The following PALM2AKAP2 variants were observed in gnomAD, a reference collection of about 807,000 sequenced individuals.
PALM2AKAP2 encodes PALM2-AKAP2 fusion protein.
In PALM2AKAP2, 37 loss-of-function variants were observed where a neutral mutation model predicts 71.5. That is an observed-to-expected ratio of 0.52 (90% CI 0.40 to 0.68). The LOEUF is 0.68. Among genes scored for constraint, PALM2AKAP2 ranks in the 30% least tolerant of loss-of-function variants. PALM2AKAP2 has a pLI of 0.00. For missense variants in PALM2AKAP2, 1,224 were observed against 1,191.8 expected, an observed-to-expected ratio of 1.03 and a Z score of -0.40; for synonymous variants, 468 against 478.8, an observed-to-expected ratio of 0.98 and a Z score of 0.29.
intron 1 of PALM2AKAP2, among the ~76,000 whole-genome samples, chr9:109,645,410 A>G (rs115745402): frequency 0.019 from 2,852 of 152,280 alleles, 82 homozygotes; most frequent in African/African-American, 0.064. Context: ...CTACAAGACG[A>G]GATTTGGGTG....
chr9:109,850,644 A>G (rs1777856747), intron 1 of PALM2AKAP2, among the ~76,000 whole-genome samples: 1 of 152,226 alleles, frequency 6.6e-6, no homozygotes, highest in African/African-American at 2.4e-5. Flanking sequence ...TAAGTCAAAA[A>G]TATCATTGAC....
rs1053551607 is a variant in PALM2AKAP2 at position 109,702,124 on chromosome 9, C to T, written c.5+61258C>T. On this transcript the variant is annotated intron_variant, in intron 1 of 6. Transcript: ENST00000374531. ...TGGAGAGGATGTGGAGAAATAGGAA[C>T]ATTTTTACAGTGTTGGTGGGACTGT... Among the ~76,000 whole-genome samples, 343 of 152,220 alleles carry T rather than the reference C, an allele frequency of 2.3e-3. 1 individual carries two copies. Among genetic ancestry groups the T allele is most frequent in the African/African-American group, 7.8e-3 (323 of 41,548 alleles).
chr9:109,848,267 G>A (rs952385974), intron 1 of PALM2AKAP2, among the ~76,000 whole-genome samples: 2 of 152,220 alleles, frequency 1.3e-5, no homozygotes, highest in African/African-American at 2.4e-5. Context: ...AGTGTGTCCA[G>A]TGACTTGCTC....
At chr9:109,954,963 T>C (rs1831719806) in intron 6 of PALM2AKAP2, among the ~76,000 whole-genome samples, 1 of 152,160 alleles carries the variant, frequency 6.6e-6, no homozygotes, top group Non-Finnish European at 1.5e-5. Context: ...AGAGGAGCCA[T>C]ATTCCGTTGT....
intron 1 of PALM2AKAP2, among the ~76,000 whole-genome samples, chr9:109,754,216 G>C (rs989758447): frequency 6.6e-6 from 1 of 152,098 alleles, no homozygotes; most frequent in African/African-American, 2.4e-5. Context: ...GTAAAATCAA[G>C]ACCAGTTAAG....
intron 1 of PALM2AKAP2, among the ~76,000 whole-genome samples, chr9:110,119,704 T>A: frequency 6.6e-6 from 1 of 152,240 alleles, no homozygotes; most frequent in East Asian, 1.9e-4. Flanking sequence ...AAGAATAGTT[T>A]ATATTTCTTT....
At chr9:110,004,783 C>T (rs1832747313) in intron 6 of PALM2AKAP2, among the ~76,000 whole-genome samples, 1 of 152,154 alleles carries the variant, frequency 6.6e-6, no homozygotes, top group African/African-American at 2.4e-5. Context: ...TTCATTTGCT[C>T]TTCCATCACT....
At chr9:109,965,812 A>G (rs1021861919) in intron 6 of PALM2AKAP2, among the ~76,000 whole-genome samples, 1 of 152,220 alleles carries the variant, frequency 6.6e-6, no homozygotes, top group Non-Finnish European at 1.5e-5. Flanking sequence ...AAAGAGCTAA[A>G]AAGAGATATT....
chr9:109,970,618 G>C (rs1410675940), intron 6 of PALM2AKAP2, among the ~76,000 whole-genome samples: 1 of 152,338 alleles, frequency 6.6e-6, no homozygotes, highest in African/African-American at 2.4e-5. Flanking sequence ...CTCTGGGGCA[G>C]GCTGCCTGGT....
chr9:110,041,297 GT>G (rs58045729), intron 7 of PALM2AKAP2, among the ~76,000 whole-genome samples: 99,247 of 150,002 alleles, frequency 0.66, 33,091 homozygotes, highest in African/African-American at 0.79. Flanking sequence ...TTTGAATAGT[GT>G]TTTTTTTTTT....
chr9:109,674,540 G>T (rs1564108922), intron 1 of PALM2AKAP2, among the ~76,000 whole-genome samples: 1 of 152,040 alleles, frequency 6.6e-6, no homozygotes, highest in Non-Finnish European at 1.5e-5. Flanking sequence ...TTGTTAGACT[G>T]TCCTAAACTG....
intron 6 of PALM2AKAP2, among the ~76,000 whole-genome samples, chr9:109,993,919 T>G (rs1832527170): frequency 6.6e-6 from 1 of 152,052 alleles, no homozygotes; most frequent in Admixed American, 6.6e-5. Flanking sequence ...CCCTCAAGTC[T>G]AGGCAGCTCA....
chr9:109,684,691 A>T (rs932851613), intron 1 of PALM2AKAP2, among the ~76,000 whole-genome samples: 1 of 152,224 alleles, frequency 6.6e-6, no homozygotes, highest in Admixed American at 6.5e-5. Flanking sequence ...ACACAAAATA[A>T]AACCTCTTTT....
exon 2 of PALM2AKAP2, chr9:110,137,539 T>C (rs141971981): frequency 3.1e-6 from 5 of 1,614,116 alleles, no homozygotes; most frequent in Non-Finnish European, 4.2e-6. Flanking sequence ...GGGCTGAGGA[T>C]GGAGAATTTA....
chr9:110,061,608 A>G (rs1588085075), intron 1 of PALM2AKAP2, among the ~76,000 whole-genome samples: 1 of 146,060 alleles, frequency 6.8e-6, no homozygotes, highest in East Asian at 2.0e-4. Flanking sequence ...CCATTATTTT[A>G]TATATATATA....
chr9:109,809,543 C>A (rs1311266170), intron 1 of PALM2AKAP2, among the ~76,000 whole-genome samples: 1 of 152,174 alleles, frequency 6.6e-6, no homozygotes, highest in Non-Finnish European at 1.5e-5. Flanking sequence ...TTTGATTTTA[C>A]AGGTTCATAG....
chr9:109,930,539 C>CT (rs1272902944), intron 5 of PALM2AKAP2, among the ~76,000 whole-genome samples: 2 of 152,264 alleles, frequency 1.3e-5, no homozygotes, highest in East Asian at 3.9e-4. Context: ...AATCTGTTTT[C>CT]TTAGCGATAC....
At chr9:110,087,371 C>A (rs7851911) in intron 1 of PALM2AKAP2, among the ~76,000 whole-genome samples, 43,294 of 152,114 alleles carry the variant, frequency 0.28, 8,077 homozygotes, top group African/African-American at 0.53. Flanking sequence ...AGTACCTGAC[C>A]CAGCTCATTC....
chr9:109,878,164 C>T (rs935761241), intron 2 of PALM2AKAP2, among the ~76,000 whole-genome samples: 1 of 152,152 alleles, frequency 6.6e-6, no homozygotes, highest in Non-Finnish European at 1.5e-5. Context: ...AAGCAACCAA[C>T]GTAAGCAAAT....
Sources: allele counts gnomAD v4.1 joint callset (sites outside exome capture counted in the v4.1 genomes callset), GRCh38; gene constraint gnomAD v4.1.1; transcripts MANE v1.5; gene names NCBI Gene and HGNC (gene_info 2026-07-23, HGNC 2026-07-21).